Variants in KIFC1 observed in about 807,000 individuals in gnomAD.
KIFC1 encodes the protein kinesin-like protein KIFC1.
In KIFC1, 37 loss-of-function variants were observed where a neutral mutation model predicts 66.6. The ratio of observed to expected loss-of-function variants is 0.56; its 90% confidence interval spans 0.43 to 0.73. KIFC1 has a LOEUF of 0.73. Among genes scored for constraint, KIFC1 ranks in the 30% least tolerant of loss-of-function variants. The pLI is 0.00. For synonymous variants in KIFC1, 325 were observed against 343.5 expected (o/e 0.95, Z 0.60); for missense variants, 721 against 859.8 (o/e 0.84, Z 2.02).
chr6:33,405,701 A>G lies in KIFC1; in HGVS notation c.1536+70A>G. On this transcript the variant is annotated intron_variant, in intron 7 of 10. Transcript: ENST00000428849. This position sits in a 1 kb window ranked among gnomAD's most constrained non-coding sequence, Gnocchi z 5.4. ...GCAGGGTGCCACGAGATGGAGGTAGAGGGAGAAAGGAGCAAGAGAGAATTG... is the reference window on the plus strand; with the variant it reads ...GCAGGGTGCCACGAGATGGAGGTAGGGGGAGAAAGGAGCAAGAGAGAATTG... The G allele has an allele frequency of 7.3e-7, 1 of 1,373,310 alleles. No homozygotes were observed. 85.1% of individuals were successfully genotyped at this position (1,373,310 alleles called of 1,614,324 possible).
rs142060160 is a variant in KIFC1, at chr6:33,398,031, G to T, written c.15G>T (p.Arg5Ser). 3.2e-3 allele frequency: 5,233 copies of T among 1,613,942 alleles called. 25 individuals are homozygous for T. The highest frequency in any genetic ancestry group is 3.9e-3 in the Non-Finnish European group (4,611 of 1,179,946). The change falls in exon 2 of 11, where the codon AGG becomes AGT. Residue 5 changes from arginine (R) to serine (S), a missense_variant and splice_region_variant. Coordinates refer to ENST00000428849, the MANE Select transcript of KIFC1 (RefSeq NM_002263.4). Reference sequence around the variant, plus strand: ...TTAAGGGTCTCTTTTCCCAACAGAGGTCCCCCCTATTGGAAGTAAAGGGGA... The same window carrying T: ...TTAAGGGTCTCTTTTCCCAACAGAGTTCCCCCCTATTGGAAGTAAAGGGGA... MDPQ[R>S]SPLLEVKGNI...
chr6:33,400,325 A>T lies in KIFC1; in HGVS notation c.250+1938A>T. ...TTGAGGGCTTTGATGATCGGGGCAGAGGCAGAAGGCACCACCTCAATCTGG... is the reference window on the plus strand; with the variant it reads ...TTGAGGGCTTTGATGATCGGGGCAGTGGCAGAAGGCACCACCTCAATCTGG... On this transcript the variant is annotated intron_variant, in intron 3 of 10. Transcript: ENST00000428849. This position sits in a 1 kb window ranked among gnomAD's most constrained non-coding sequence, Gnocchi z 4.3. 1 of 1,584,894 alleles carries T rather than the reference A, an allele frequency of 6.3e-7. No individual in the cohort carries two copies.
chr6:33,398,707 C>T (rs1775221776), intron 3 of KIFC1, among the ~76,000 whole-genome samples: 3 of 152,154 alleles, frequency 2.0e-5, no homozygotes. Context: ...CTCAGGTGAT[C>T]CACCCGCCTC....
At chr6:33,393,062 G>A (rs185758357) in intron 1 of KIFC1, among the ~76,000 whole-genome samples, 7 of 152,274 alleles carry the variant, frequency 4.6e-5, no homozygotes, top group Non-Finnish European at 8.8e-5. Context: ...CAACTGGCGG[G>A]TTAGAGTATT....
At position 33,398,104 on chromosome 6, in the gene KIFC1, C is replaced by T; in HGVS notation, c.88C>T (p.Leu30Phe). 3 of 1,614,156 alleles carry T rather than the reference C, an allele frequency of 1.9e-6. No homozygotes were observed. The highest frequency in any genetic ancestry group is 1.7e-6 in the Non-Finnish European group (2 of 1,180,020). Residue 30 changes from leucine to phenylalanine, a missense_variant, in exon 2 of 11, where the codon CTC becomes TTC. Leu to Phe is a conservative substitution (Grantham distance 22, BLOSUM62 0). Transcript: ENST00000428849. ...PLIKAPSQLP[L>F]SGSRLKRRPD... ...GATTAAGGCCCCTTCCCAGCTGCCT[C>T]TCTCAGGAAGCAGACTCAAGAGGAG...
Position 33,409,854 on chromosome 6 carries a change from TTGG to T in KIFC1, c.*166_*168del. 1 of 682,118 alleles carries T rather than the reference TTGG, an allele frequency of 1.5e-6. No individual in the cohort carries two copies. Among genetic ancestry groups the T allele is most frequent in the Admixed American group, 2.9e-5 (1 of 34,916 alleles). 42.3% of individuals were successfully genotyped at this position (682,118 alleles called of 1,614,324 possible). A position where few individuals can be genotyped will look rare whatever the true frequency, so the allele number is the denominator to read the frequency against. On this transcript the variant is annotated 3_prime_UTR_variant, in exon 11 of 11. Transcript: ENST00000428849. ...CCAGGGCTATCAAATAAAGAATAGT[TTGG>T]TTTTTTTTTTAAATAAAGGTTTTAT...
At chr6:33,409,352 A>G (rs962599246) in intron 10 of KIFC1, among the ~76,000 whole-genome samples, 1 of 152,094 alleles carries the variant, frequency 6.6e-6, no homozygotes, top group African/African-American at 2.4e-5. Flanking sequence ...AGTGTTTTAC[A>G]GTGGGAGAGG....
At position 33,403,386 on chromosome 6, in the gene KIFC1, T is replaced by G; in HGVS notation, c.304+19T>G. 6.2e-7 allele frequency: 1 copy of G among 1,613,904 alleles called. No homozygotes were observed. The highest frequency in any genetic ancestry group is 8.5e-7 in the Non-Finnish European group (1 of 1,179,802). On this transcript the variant is annotated intron_variant, in intron 4 of 10. Transcript: ENST00000428849. This position sits in a 1 kb window ranked among gnomAD's most constrained non-coding sequence, Gnocchi z 4.6. Reference sequence around the variant, plus strand: ...GCCACAGGTAACTGTGCTCAAGAGCTGGGTCTGAGAAGGGATTTGGGGTAT... The same window carrying G: ...GCCACAGGTAACTGTGCTCAAGAGCGGGGTCTGAGAAGGGATTTGGGGTAT...
intron 10 of KIFC1, among the ~76,000 whole-genome samples, chr6:33,407,624 C>T (rs1177777302): frequency 6.6e-6 from 1 of 152,186 alleles, no homozygotes; most frequent in African/African-American, 2.4e-5. Flanking sequence ...TTTTCAGTTA[C>T]ATCTAACTAG....
chr6:33,392,017 G>A lies in KIFC1; in HGVS notation c.12+20G>A, dbSNP rs1774808981. Reference sequence around the variant, plus strand: ...CCGCAGGTGAGTAGGGGCGGCGCAGGTGTCCTGCCCTGGGGATGGGGACGA... The same window carrying A: ...CCGCAGGTGAGTAGGGGCGGCGCAGATGTCCTGCCCTGGGGATGGGGACGA... On this transcript the variant is annotated intron_variant, in intron 1 of 10. Coordinates refer to ENST00000428849, the MANE Select transcript of KIFC1 (RefSeq NM_002263.4). 12 of 1,613,476 alleles carry A rather than the reference G, an allele frequency of 7.4e-6. No homozygotes were observed. Among genetic ancestry groups the A allele is most frequent in the Non-Finnish European group, 1.0e-5 (12 of 1,179,798 alleles).
At chr6:33,402,902 G>A (rs545169838) in intron 3 of KIFC1, among the ~76,000 whole-genome samples, 1 of 152,166 alleles carries the variant, frequency 6.6e-6, no homozygotes, top group Non-Finnish European at 1.5e-5. Flanking sequence ...CGGGAGAATC[G>A]CTTGAACCCT....
rs568257489 is a variant in KIFC1, at chr6:33,409,754, T to C, written c.*64T>C. ...GTGTGTGTGTGTGTGTGTGTGTGTGTCCCTATGTCTATGTATCGGGTGAGG... is the reference window on the plus strand; with the variant it reads ...GTGTGTGTGTGTGTGTGTGTGTGTGCCCCTATGTCTATGTATCGGGTGAGG... On this transcript the variant is annotated 3_prime_UTR_variant, in exon 11 of 11. Coordinates refer to ENST00000428849, the MANE Select transcript of KIFC1 (RefSeq NM_002263.4). 105 of 1,343,402 alleles carry C rather than the reference T, an allele frequency of 7.8e-5. No homozygotes were observed. The African/African-American group carries it at 1.3e-3, about 17-fold the overall frequency. 83.2% of individuals were successfully genotyped at this position (1,343,402 alleles called of 1,614,324 possible).
intron 1 of KIFC1, among the ~76,000 whole-genome samples, chr6:33,395,518 A>C (rs1774988721): frequency 1.3e-5 from 2 of 151,112 alleles, no homozygotes; most frequent in African/African-American, 4.9e-5. Context: ...GCAGGGTTGC[A>C]TGAATATCTG....
rs111235617 is a variant in KIFC1, at chr6:33,403,608, C to T, written c.355+73C>T. ...GAAGATGGTGAGTGACCAGAAAAAT[C>T]CATTTGGTCTCTAAGGGGAAGGAGA... On this transcript the variant is annotated intron_variant, in intron 5 of 10. Coordinates refer to ENST00000428849, the MANE Select transcript of KIFC1 (RefSeq NM_002263.4). The surrounding 1 kb of genome is among the most constrained non-coding windows in gnomAD (Gnocchi z 4.6). 465 of 1,580,198 alleles carry T rather than the reference C, an allele frequency of 2.9e-4. No homozygotes were observed. The highest frequency in any genetic ancestry group is 3.9e-4 in the Non-Finnish European group (445 of 1,149,476).
At chr6:33,397,199 A>T (rs1320304099) in intron 1 of KIFC1, among the ~76,000 whole-genome samples, 2 of 130,294 alleles carry the variant, frequency 1.5e-5, no homozygotes, top group Non-Finnish European at 3.2e-5. Flanking sequence ...CTGGTCTTGA[A>T]CTCCTGACCT....
In KIFC1 at chr6:33,406,406, C is replaced by T. The variant is rs777916508; in HGVS notation, c.1747C>T (p.Arg583Trp). 9.9e-6 allele frequency: 16 copies of T among 1,609,122 alleles called. No homozygotes were observed. The highest frequency in any genetic ancestry group is 4.0e-5 in the African/African-American group (3 of 74,818). ...DPGLALGPGE[R>W]ERLRETQAIN... is the part of the protein sequence containing the mutation. ...CGGCTTAGCCCTCGGCCCCGGGGAG[C>T]GGGAACGCCTTCGGGAAACACAGGC... is the stretch of plus-strand genomic sequence containing the variant. Residue 583 changes from arginine (R) to tryptophan (W), a missense_variant, in exon 8 of 11, where the codon CGG becomes TGG. Coordinates refer to ENST00000428849, the MANE Select transcript of KIFC1 (RefSeq NM_002263.4). The surrounding 1 kb of genome is among the most constrained non-coding windows in gnomAD (Gnocchi z 4.5).
rs766344869 is a variant in KIFC1, at chr6:33,405,016, C to G, written c.921C>G (p.Leu307=). 6.8e-6 allele frequency: 11 copies of G among 1,614,166 alleles called. No individual in the cohort carries two copies. The highest frequency in any genetic ancestry group is 1.6e-4 in the Middle Eastern group (1 of 6,062). ...GACTGCACAACCAGCTGCAGGAACT[C>G]AAGGGCAACATCCGTGTATTCTGCC... ...RRRLHNQLQE[L]KGNIRVFCRV... The change falls in exon 7 of 11, where the codon CTC becomes CTG. Residue 307 remains leucine (L), a synonymous_variant. Transcript: ENST00000428849. The surrounding 1 kb of genome is among the most constrained non-coding windows in gnomAD (Gnocchi z 5.4).
At position 33,406,773 on chromosome 6, in the gene KIFC1, G is replaced by A. The variant is rs1332951382; in HGVS notation, c.1902-27G>A. ...CCAGGCTCTGCTGGCCCCTAATGCT[G>A]GGGTTGGGCACATTGTCTTTTCATA... On this transcript the variant is annotated intron_variant, in intron 9 of 10. Transcript: ENST00000428849. This position sits in a 1 kb window ranked among gnomAD's most constrained non-coding sequence, Gnocchi z 4.5. 6.2e-7 allele frequency: 1 copy of A among 1,613,776 alleles called. No individual in the cohort carries two copies. Among genetic ancestry groups the A allele is most frequent in the Non-Finnish European group, 8.5e-7 (1 of 1,179,808 alleles).
At position 33,404,988 on chromosome 6, in the gene KIFC1, G is replaced by A. The variant is rs1474616986; in HGVS notation, c.893G>A (p.Arg298Gln). 7 of 1,614,088 alleles carry A rather than the reference G, an allele frequency of 4.3e-6. No individual in the cohort carries two copies. Among genetic ancestry groups the A allele is most frequent in the South Asian group, 1.1e-5 (1 of 91,082 alleles). ...CTTCATGGGCTAGAAATGGAGCGCC[G>A]GCGACTGCACAACCAGCTGCAGGAA... is the stretch of plus-strand genomic sequence containing the variant. ...ERLHGLEMERRRLHNQLQELK... is the reference protein window; with the variant it reads ...ERLHGLEMERQRLHNQLQELK... The change falls in exon 7 of 11, where the codon CGG becomes CAG. Residue 298 changes from arginine (R) to glutamine (Q), a missense_variant. By Grantham distance (43) the Arg-to-Gln change is conservative. Coordinates refer to ENST00000428849, the MANE Select transcript of KIFC1 (RefSeq NM_002263.4). The surrounding 1 kb of genome is among the most constrained non-coding windows in gnomAD (Gnocchi z 4.0).
Sources: gnomAD v4.1 joint callset for allele counts (sites outside exome capture counted in the v4.1 genomes callset) on GRCh38, gnomAD v4.1.1 for gene constraint, Gnocchi (gnomAD v3.1) non-coding constraint, MANE v1.5 for transcripts, NCBI Gene and HGNC (gene_info 2026-07-23, HGNC 2026-07-21) for gene names.